Variants in RASA3 observed in about 807,000 individuals in gnomAD.
RASA3 encodes the protein RAS p21 protein activator 3, also known as ras GTPase-activating protein 3.
RASA3 carries 73 observed loss-of-function variants against 110.0 expected under a neutral mutation model. The observed-to-expected ratio is 0.66, with a 90% CI of 0.55 to 0.81. The LOEUF (loss-of-function observed/expected upper bound fraction) is 0.81. Ranked by LOEUF, RASA3 falls within the 30% of genes least tolerant of loss-of-function variation. The pLI, the probability that RASA3 is intolerant of heterozygous loss-of-function variation, is 0.00. For missense variants in RASA3, 976 were observed against 1,113.2 expected, an observed-to-expected ratio of 0.88 and a Z score of 1.75; for synonymous variants, 500 against 451.4, an observed-to-expected ratio of 1.11 and a Z score of -1.37.
At chr13:114,021,363 T>C in intron 9 of RASA3, 41 bp downstream of exon 9, 2 of 1,574,470 alleles carry the variant, frequency 1.3e-6, no homozygotes, top group South Asian at 1.1e-5. Flanking sequence ...TTTTTGTGGC[T>C]CTCAGAGATG....
intron 3 of RASA3, among the ~76,000 whole-genome samples, chr13:114,046,955 G>A (rs2079063146): frequency 6.6e-6 from 1 of 152,184 alleles, no homozygotes; most frequent in Non-Finnish European, 1.5e-5. Context: ...GGAACTAAAT[G>A]TGAACGCTGA....
At chr13:114,070,989 G>A (rs1489052910) in intron 2 of RASA3, among the ~76,000 whole-genome samples, 1 of 145,552 alleles carries the variant, frequency 6.9e-6, no homozygotes, top group Non-Finnish European at 1.5e-5. Flanking sequence ...CGGCGTCCAC[G>A]CTAAACGGCG....
At chr13:114,098,097 C>G (rs375760627) in intron 1 of RASA3, among the ~76,000 whole-genome samples, 11 of 152,212 alleles carry the variant, frequency 7.2e-5, no homozygotes, top group East Asian at 3.9e-4. Context: ...CAGAGAGGCC[C>G]AAGTGGACCC....
chr13:114,129,417 C>T (rs1207254586), intron 1 of RASA3, among the ~76,000 whole-genome samples: 1 of 152,168 alleles, frequency 6.6e-6, no homozygotes, highest in Non-Finnish European at 1.5e-5. Context: ...TATTACCTCA[C>T]CTGCAAGAGC....
At chr13:113,999,093 C>T (rs902289203) in intron 20 of RASA3, among the ~76,000 whole-genome samples, 1 of 36,148 alleles carries the variant, frequency 2.8e-5, no homozygotes, top group East Asian at 1.6e-3. Flanking sequence ...GACCGGGGAA[C>T]GAGGCCACAC....
At position 114,048,313 on chromosome 13, in the gene RASA3, T is replaced by C. The variant is rs1428145806; in HGVS notation, c.277+3739A>G. ...CTGGGCGACAGAAAGAGACTCCGTCTCAAAAAAAAAAAAAAAGAAGAAGAA... is the reference window on the plus strand; with the variant it reads ...CTGGGCGACAGAAAGAGACTCCGTCCCAAAAAAAAAAAAAAAGAAGAAGAA... On this transcript the variant is annotated intron_variant, in intron 3 of 23. Transcript: ENST00000334062. The surrounding 1 kb of genome is among the most constrained non-coding windows in gnomAD (Gnocchi z 4.3). 3.3e-5 allele frequency among the ~76,000 whole-genome samples: 4 copies of C among 119,590 alleles called. No individual in the cohort carries two copies. Among genetic ancestry groups the C allele is most frequent in the Non-Finnish European group, 7.1e-5 (4 of 56,130 alleles). 78.5% of individuals were successfully genotyped at this position (119,590 alleles called of 152,430 possible).
intron 18 of RASA3, among the ~76,000 whole-genome samples, chr13:114,001,692 G>A (rs1025449355): frequency 6.8e-6 from 1 of 146,566 alleles, no homozygotes; most frequent in Admixed American, 6.7e-5. Flanking sequence ...GGCAGCGGAC[G>A]CTCACACACG....
In RASA3 at chr13:114,065,401, G is replaced by C. The variant is rs557390333; in HGVS notation, c.173+8319C>G. ...CCCAGCCTCGGGGTAGAGGGTAAAG[G>C]CTGCGTGAAGAGGAACCAAACCCCA... is the stretch of plus-strand genomic sequence containing the variant. On this transcript the variant is annotated intron_variant, in intron 2 of 23. Transcript: ENST00000334062. This position sits in a 1 kb window ranked among gnomAD's most constrained non-coding sequence, Gnocchi z 4.1. Among the ~76,000 whole-genome samples the C allele has an allele frequency of 3.9e-4, 59 of 152,356 alleles. No homozygotes were observed. The highest frequency in any genetic ancestry group is 3.5e-3 in the Admixed American group (54 of 15,312).
At chr13:114,117,806 ATGTGTGTGAGGGG>A (rs2080313400) in intron 1 of RASA3, among the ~76,000 whole-genome samples, 1 of 137,586 alleles carries the variant, frequency 7.3e-6, no homozygotes, top group African/African-American at 2.8e-5. Context: ...TGAGGGGTGC[ATGTGTGTGAGGGG>A]TGCACGTGTG....
chr13:114,004,501 C>T (rs559019723), intron 18 of RASA3, among the ~76,000 whole-genome samples: 1 of 152,228 alleles, frequency 6.6e-6, no homozygotes, highest in Admixed American at 6.5e-5. Flanking sequence ...GAATGAGAGC[C>T]AGAGCTGCCT....
intron 4 of RASA3, among the ~76,000 whole-genome samples, chr13:114,040,500 G>A (rs113080027): frequency 3.0e-5 from 4 of 131,474 alleles, no homozygotes; most frequent in Admixed American, 1.5e-4. Context: ...GAGCACAAGC[G>A]GGCGAACACG....
chr13:114,070,769 G>A (rs1271709007), intron 2 of RASA3, among the ~76,000 whole-genome samples: 2 of 133,964 alleles, frequency 1.5e-5, no homozygotes, highest in African/African-American at 5.7e-5. Flanking sequence ...AGTCTTACAC[G>A]TGGGCAGGGC....
chr13:114,023,158 G>A (rs79801204), intron 8 of RASA3, among the ~76,000 whole-genome samples: 1,999 of 152,354 alleles, frequency 0.013, 61 homozygotes, highest in African/African-American at 0.046. Flanking sequence ...GGGAGGGAGG[G>A]TGACCAGGGA....
chr13:114,017,677 C>T (rs1345360943), intron 11 of RASA3, among the ~76,000 whole-genome samples: 7 of 152,372 alleles, frequency 4.6e-5, no homozygotes, highest in Admixed American at 3.3e-4. Flanking sequence ...CAGACCCTGG[C>T]AGCATCCAAG....
rs911460297 is a variant in RASA3 at position 114,115,369 on chromosome 13, G to A, written c.55+17066C>T. 2.6e-5 allele frequency among the ~76,000 whole-genome samples: 4 copies of A among 152,218 alleles called. No individual in the cohort carries two copies. Among genetic ancestry groups the A allele is most frequent in the Admixed American group, 6.5e-5 (1 of 15,282 alleles). On this transcript the variant is annotated intron_variant, in intron 1 of 23. Coordinates refer to ENST00000334062, the MANE Select transcript of RASA3 (RefSeq NM_007368.4). This position sits in a 1 kb window ranked among gnomAD's most constrained non-coding sequence, Gnocchi z 5.0. Reference sequence around the variant, plus strand: ...GGACAGTCACACCGACCCTTGGCCCGGGCGAGGCCACGTGTCCCACAAAAC... The same window carrying A: ...GGACAGTCACACCGACCCTTGGCCCAGGCGAGGCCACGTGTCCCACAAAAC...
chr13:114,105,153 C>T (rs1358113085), intron 1 of RASA3, among the ~76,000 whole-genome samples: 2 of 152,136 alleles, frequency 1.3e-5, no homozygotes, highest in South Asian at 2.1e-4. Flanking sequence ...AGGGCCAAGC[C>T]GTCACCTCAG....
In RASA3 at chr13:114,017,335, A is replaced by C; in HGVS notation, c.1108T>G (p.Phe370Val). 6.2e-7 allele frequency: 1 copy of C among 1,613,912 alleles called. No homozygotes were observed. The change falls in exon 12 of 24, where the codon TTC (phenylalanine) becomes GTC (valine). Residue 370 changes from phenylalanine to valine, a missense_variant. This residue lies in a region of RASA3 where 732 missense variants were observed against 779.7 expected (regional missense o/e 0.94). Coordinates refer to ENST00000334062, the MANE Select transcript of RASA3 (RefSeq NM_007368.4). ...VKRTQDPNTIFRGNSLASKCI... is the reference protein window; with the variant it reads ...VKRTQDPNTIVRGNSLASKCI... ...TTGGACGCCAGTGAGTTTCCTCGGAAGATGGTGTTGGGGTCCCTGGGAAAT... is the reference window on the plus strand; with the variant it reads ...TTGGACGCCAGTGAGTTTCCTCGGACGATGGTGTTGGGGTCCCTGGGAAAT...
chr13:113,979,640 G>A (rs969313510), intron 23 of RASA3, among the ~76,000 whole-genome samples: 4 of 152,208 alleles, frequency 2.6e-5, no homozygotes, highest in Non-Finnish European at 4.4e-5. Context: ...ACATGTGCAC[G>A]TGTGCTCTCC....
At chr13:114,008,076 C>T (rs112771820) in intron 17 of RASA3, among the ~76,000 whole-genome samples, 5 of 1,162 alleles carry the variant, frequency 4.3e-3, no homozygotes, top group African/African-American at 0.024. Context: ...AGCCCTGGGG[C>T]CTGGAGGTTG....
Sources: allele counts gnomAD v4.1 joint callset (sites outside exome capture counted in the v4.1 genomes callset), GRCh38; gene constraint gnomAD v4.1.1; regional missense constraint gnomAD v4.1.1; non-coding constraint Gnocchi (gnomAD v3.1); transcripts MANE v1.5; gene names NCBI Gene and HGNC (gene_info 2026-07-23, HGNC 2026-07-21).